The following RBFOX1 variants were observed in gnomAD, a reference collection of about 807,000 sequenced individuals.
RBFOX1 encodes RNA binding protein fox-1 homolog 1.
A neutral mutation model predicts 57.7 loss-of-function variants in RBFOX1; 8 were observed. That is an observed-to-expected ratio of 0.14 (90% CI 0.08 to 0.25). The LOEUF (loss-of-function observed/expected upper bound fraction) is 0.25, where lower values mean the gene tolerates loss of function less well. RBFOX1 is among the 10% of genes least tolerant of loss of function. The pLI is 1.00. For missense variants in RBFOX1, 611 were observed against 548.5 expected (o/e 1.11, Z -1.14); for synonymous variants, 326 against 222.4 (o/e 1.47, Z -4.15).
At chr16:5,336,835 G>T (rs1466057162) in intron 1 of RBFOX1, among the ~76,000 whole-genome samples, 1 of 152,184 alleles carries the variant, frequency 6.6e-6, no homozygotes, top group Non-Finnish European at 1.5e-5. Flanking sequence ...GGTGCTCATG[G>T]CTTTTTAAAA....
intron 5 of RBFOX1, among the ~76,000 whole-genome samples, chr16:7,561,855 A>C (rs1288222139): frequency 6.6e-6 from 1 of 152,232 alleles, no homozygotes; most frequent in African/African-American, 2.4e-5. Context: ...CATTTGGTTC[A>C]TTTAAATCTT....
chr16:5,633,905 A>G (rs562057814), intron 3 of RBFOX1, among the ~76,000 whole-genome samples: 2 of 152,142 alleles, frequency 1.3e-5, no homozygotes, highest in South Asian at 2.1e-4. Flanking sequence ...TCAAAAGAAG[A>G]TATACAGACA....
chr16:7,173,091 G>A (rs549080862), intron 4 of RBFOX1, among the ~76,000 whole-genome samples: 27 of 152,206 alleles, frequency 1.8e-4, no homozygotes, highest in African/African-American at 6.3e-4. Context: ...TCAGAAGAAA[G>A]ACTAGGGTTT....
chr16:5,969,325 G>GTTTTTTTTTTTTTTTTTTTTTTTTTTTT (rs1392384342), intron 4 of RBFOX1, among the ~76,000 whole-genome samples: 3 of 120,648 alleles, frequency 2.5e-5, no homozygotes, highest in African/African-American at 6.3e-5. Context: ...TTTTTTTTTG[G>GTTTTTTTTTTTTTTTTTTTTTTTTTTTT]TTTGGAAATG....
intron 3 of RBFOX1, among the ~76,000 whole-genome samples, chr16:6,848,679 T>C (rs943045830): frequency 2.0e-5 from 3 of 152,134 alleles, no homozygotes; most frequent in African/African-American, 4.8e-5. Flanking sequence ...CCTAGGTAGA[T>C]AGCTGGGCAG....
chr16:7,700,243 C>T (rs766945657), intron 14 of RBFOX1, among the ~76,000 whole-genome samples: 2 of 152,136 alleles, frequency 1.3e-5, no homozygotes, highest in African/African-American at 2.4e-5. Context: ...TAGCTGCAGT[C>T]CTCTCAGTCT....
chr16:5,461,329 C>T (rs1436195443), intron 1 of RBFOX1, among the ~76,000 whole-genome samples: 1 of 152,188 alleles, frequency 6.6e-6, no homozygotes, highest in Non-Finnish European at 1.5e-5. Flanking sequence ...CCGCCTCTGC[C>T]TCTCCTAGCG....
intron 4 of RBFOX1, among the ~76,000 whole-genome samples, chr16:7,100,097 T>C (rs1349262503): frequency 6.6e-6 from 1 of 151,826 alleles, no homozygotes; most frequent in Non-Finnish European, 1.5e-5. Context: ...ATTTTTGATT[T>C]ACATACTAAA....
At chr16:7,009,603 T>A (rs2093551119) in intron 3 of RBFOX1, among the ~76,000 whole-genome samples, 1 of 152,100 alleles carries the variant, frequency 6.6e-6, no homozygotes, top group Non-Finnish European at 1.5e-5. Flanking sequence ...GCTAATCCAA[T>A]AATGGAGAAG....
chr16:6,762,840 G>A (rs2076812868), intron 3 of RBFOX1, among the ~76,000 whole-genome samples: 2 of 152,192 alleles, frequency 1.3e-5, no homozygotes, highest in Non-Finnish European at 2.9e-5. Context: ...CAGAGTCATA[G>A]TGGCTCTCAA....
chr16:6,674,602 G>A (rs1360671816), intron 3 of RBFOX1, among the ~76,000 whole-genome samples: 4 of 151,932 alleles, frequency 2.6e-5, no homozygotes, highest in South Asian at 2.1e-4. Context: ...AATTACAGGC[G>A]TGAGCCACCG....
chr16:6,687,776 C>T (rs2059651943), intron 3 of RBFOX1, among the ~76,000 whole-genome samples: 1 of 152,146 alleles, frequency 6.6e-6, no homozygotes, highest in Non-Finnish European at 1.5e-5. Flanking sequence ...AGAGTGGTCA[C>T]ATGACACTCC....
intron 2 of RBFOX1, among the ~76,000 whole-genome samples, chr16:5,519,523 A>G (rs2043929130): frequency 6.6e-6 from 1 of 152,200 alleles, no homozygotes; most frequent in African/African-American, 2.4e-5. Flanking sequence ...CAGGAGTTTG[A>G]GATCAGCCTG....
intron 4 of RBFOX1, among the ~76,000 whole-genome samples, chr16:5,959,767 G>T (rs1445894319): frequency 6.6e-6 from 1 of 152,076 alleles, no homozygotes; most frequent in African/African-American, 2.4e-5. Flanking sequence ...AGCCGAGATC[G>T]CACCACTGAA....
chr16:7,048,975 C>G (rs1322170951), intron 3 of RBFOX1, among the ~76,000 whole-genome samples: 1 of 152,120 alleles, frequency 6.6e-6, no homozygotes, highest in East Asian at 1.9e-4. Flanking sequence ...ATATATATAT[C>G]AAGTCTGGGA....
In RBFOX1 at chr16:6,019,819, C is replaced by T; in HGVS notation, c.-300C>T. ...GACCCTCGCCGCGCCCAGGCAGGCG[C>T]GCCAGGGCGGGGCTGACCTGCCCGC... On this transcript the variant is annotated 5_prime_UTR_variant, in exon 1 of 16. Transcript: ENST00000550418. The surrounding 1 kb of genome is among the most constrained non-coding windows in gnomAD (Gnocchi z 4.2). The T allele has an allele frequency of 9.3e-6, 14 of 1,504,508 alleles. No individual in the cohort carries two copies. Among genetic ancestry groups the T allele is most frequent in the Middle Eastern group, 2.1e-4 (1 of 4,826 alleles). 93.2% of individuals were successfully genotyped at this position (1,504,508 alleles called of 1,614,324 possible).
intron 9 of RBFOX1, among the ~76,000 whole-genome samples, chr16:7,599,502 C>A (rs1018441824): frequency 2.6e-5 from 4 of 152,118 alleles, no homozygotes; most frequent in Non-Finnish European, 4.4e-5. Flanking sequence ...ACTAGCCTTT[C>A]TGGAATATGA....
At chr16:7,371,490 C>G (rs2097565089) in intron 4 of RBFOX1, among the ~76,000 whole-genome samples, 1 of 152,182 alleles carries the variant, frequency 6.6e-6, no homozygotes, top group Admixed American at 6.5e-5. Context: ...TGGCTCACGC[C>G]TGTAATCCCA....
At chr16:6,873,591 T>C (rs903524981) in intron 3 of RBFOX1, among the ~76,000 whole-genome samples, 2 of 152,176 alleles carry the variant, frequency 1.3e-5, no homozygotes, top group African/African-American at 4.8e-5. Context: ...GTTAAACATA[T>C]TACACGTCTA....
Sources: gnomAD v4.1 joint callset for allele counts (sites outside exome capture counted in the v4.1 genomes callset) on GRCh38, gnomAD v4.1.1 for gene constraint, Gnocchi (gnomAD v3.1) non-coding constraint, MANE v1.5 for transcripts, NCBI Gene and HGNC (gene_info 2026-07-23, HGNC 2026-07-21) for gene names.